Variants in FMNL3 observed in about 807,000 individuals in gnomAD.
FMNL3 encodes the protein formin-like protein 3.
FMNL3 carries 57 observed loss-of-function variants against 119.6 expected under a neutral mutation model. The ratio of observed to expected loss-of-function variants is 0.48; its 90% confidence interval spans 0.39 to 0.59. The LOEUF (loss-of-function observed/expected upper bound fraction) is 0.59, where lower values mean the gene tolerates loss of function less well. Among genes scored for constraint, FMNL3 ranks in the 20% least tolerant of loss-of-function variants. The pLI, the probability that FMNL3 is intolerant of heterozygous loss-of-function variation, is 0.00. For synonymous variants in FMNL3, 491 were observed against 507.3 expected, an observed-to-expected ratio of 0.97 and a Z score of 0.43; for missense variants, 1,053 against 1,323.5, an observed-to-expected ratio of 0.80 and a Z score of 3.17.
At position 49,645,534 on chromosome 12, in the gene FMNL3, T is replaced by A. The variant is rs549538852; in HGVS notation, c.*281A>T. ...AGAGATCTATGTGCCCTGTTTAGGC[T>A]AAGGCTGGAAATGGTTTTTCCTAGC... is the stretch of plus-strand genomic sequence containing the variant. On this transcript the variant is annotated 3_prime_UTR_variant, in exon 26 of 26. Transcript: ENST00000335154. The A allele has an allele frequency of 5.5e-4, 240 of 432,878 alleles. No individual in the cohort carries two copies. Among genetic ancestry groups the A allele is most frequent in the Non-Finnish European group, 7.6e-4 (187 of 244,456 alleles). The allele number at this position is 432,878 out of a possible 1,614,324, so 26.8% of individuals were successfully genotyped here.
intron 1 of FMNL3, among the ~76,000 whole-genome samples, chr12:49,695,564 T>C (rs764039840): frequency 6.6e-6 from 1 of 152,162 alleles, no homozygotes; most frequent in African/African-American, 2.4e-5. Context: ...TTAAATGAGA[T>C]AAAACATGTC....
rs374615782 is a variant in FMNL3 at position 49,642,298 on chromosome 12, C to T, written c.*3517G>A. 1.1e-5 allele frequency: 18 copies of T among 1,614,076 alleles called. No individual in the cohort carries two copies. The Admixed American group carries it at 2.0e-4, about 18-fold the overall frequency. On this transcript the variant is annotated 3_prime_UTR_variant, in exon 26 of 26. Coordinates refer to ENST00000335154, the MANE Select transcript of FMNL3 (RefSeq NM_175736.5). The surrounding 1 kb of genome is among the most constrained non-coding windows in gnomAD (Gnocchi z 5.8). ...GAAGGAGGAGGCACGCAGGATGCGG[C>T]GCAGGGAAGCTGCCTTTCGAAGCAT...
At chr12:49,697,912 AC>A in intron 1 of FMNL3, among the ~76,000 whole-genome samples, 1 of 152,258 alleles carries the variant, frequency 6.6e-6, no homozygotes, top group East Asian at 1.9e-4. Context: ...TGATTCCAAA[AC>A]CAATGGTCTA....
In FMNL3 at chr12:49,645,914, A is replaced by T; in HGVS notation, c.2996-11T>A. On this transcript the variant is annotated splice_polypyrimidine_tract_variant and intron_variant, in intron 25 of 25. Transcript: ENST00000335154. ...GCTGGCAGTGGAGGCCTGTGGGGGA[A>T]GAGAGAGACCTGTGAACAGGATGGG... The T allele has an allele frequency of 1.2e-6, 2 of 1,610,240 alleles. No individual in the cohort carries two copies. The highest frequency in any genetic ancestry group is 4.5e-5 in the East Asian group (2 of 44,624).
In FMNL3 at chr12:49,647,455, A is replaced by G; in HGVS notation, c.2779-87T>C. The G allele has an allele frequency of 7.0e-7, 1 of 1,433,640 alleles. No homozygotes were observed. The highest frequency in any genetic ancestry group is 9.7e-7 in the Non-Finnish European group (1 of 1,027,954). The allele number at this position is 1,433,640 out of a possible 1,614,324, so 88.8% of individuals were successfully genotyped here. ...GACACTGAGGTGGAGAGTGGGTGGC[A>G]GTGGGACCCGCTAACTCCAGGTGGC... is the stretch of plus-strand genomic sequence containing the variant. On this transcript the variant is annotated intron_variant, in intron 23 of 25. Transcript: ENST00000335154. This position sits in a 1 kb window ranked among gnomAD's most constrained non-coding sequence, Gnocchi z 4.9.
intron 1 of FMNL3, among the ~76,000 whole-genome samples, chr12:49,678,922 A>G (rs867498860): frequency 6.6e-6 from 1 of 152,226 alleles, no homozygotes; most frequent in Non-Finnish European, 1.5e-5. Context: ...CTACAAAGGC[A>G]TGAAAGTATG....
intron 1 of FMNL3, among the ~76,000 whole-genome samples, chr12:49,672,855 A>C (rs1267598861): frequency 6.6e-6 from 1 of 152,178 alleles, no homozygotes; most frequent in Non-Finnish European, 1.5e-5. Context: ...AAAAAACAGA[A>C]ATAGGAACCA....
At chr12:49,674,066 T>C (rs1017827385) in intron 1 of FMNL3, among the ~76,000 whole-genome samples, 4 of 152,152 alleles carry the variant, frequency 2.6e-5, no homozygotes, top group African/African-American at 7.2e-5. Flanking sequence ...TGGTCAGATC[T>C]CACTGCAGCT....
At position 49,643,195 on chromosome 12, in the gene FMNL3, AC is replaced by A; in HGVS notation, c.*2619del. The A allele has an allele frequency of 6.2e-7, 1 of 1,613,040 alleles. No individual in the cohort carries two copies. The highest frequency in any genetic ancestry group is 8.5e-7 in the Non-Finnish European group (1 of 1,179,512). On this transcript the variant is annotated 3_prime_UTR_variant, in exon 26 of 26. Transcript: ENST00000335154. ...CTTCTGGAGGGCAGAGAACCTCTGC[AC>A]TGACATGTATCTGCTGATCTGCCCA...
Position 49,670,132 on chromosome 12 carries a change from T to C in FMNL3, c.127-1578A>G, listed in dbSNP as rs187764906. On this transcript the variant is annotated intron_variant, in intron 1 of 25. Transcript: ENST00000335154. ...GGTAACCCAAGCATGACCACTTCAT[T>C]TACCTCTGCCCAATTCTTGGCATCC... Among the ~76,000 whole-genome samples, 4 of 152,308 alleles carry C rather than the reference T, an allele frequency of 2.6e-5. No homozygotes were observed. The East Asian group carries it at 7.7e-4, about 29-fold the overall frequency.
At position 49,642,797 on chromosome 12, in the gene FMNL3, G is replaced by A; in HGVS notation, c.*3018C>T. On this transcript the variant is annotated 3_prime_UTR_variant, in exon 26 of 26. Transcript: ENST00000335154. The surrounding 1 kb of genome is among the most constrained non-coding windows in gnomAD (Gnocchi z 5.8). Reference sequence around the variant, plus strand: ...ACTCCTGGCCAGCTAAGGAAGGGGAGGCCTGAGGATCCCTGGGATAGGCAG... The same window carrying A: ...ACTCCTGGCCAGCTAAGGAAGGGGAAGCCTGAGGATCCCTGGGATAGGCAG... 1 of 1,422,916 alleles carries A rather than the reference G, an allele frequency of 7.0e-7. No homozygotes were observed. The highest frequency in any genetic ancestry group is 9.7e-7 in the Non-Finnish European group (1 of 1,032,584). 88.1% of individuals were successfully genotyped at this position (1,422,916 alleles called of 1,614,324 possible).
intron 13 of FMNL3, 102 bp from the exon 14 acceptor site, chr12:49,652,314 T>C: frequency 6.8e-7 from 1 of 1,472,408 alleles, no homozygotes; most frequent in South Asian, 1.4e-5. Flanking sequence ...CGAGGGTCTC[T>C]GTCAGGGTAC....
intron 1 of FMNL3, among the ~76,000 whole-genome samples, chr12:49,675,531 C>T (rs1944163228): frequency 6.6e-6 from 1 of 152,164 alleles, no homozygotes; most frequent in South Asian, 2.1e-4. Flanking sequence ...TTTCTGGGGT[C>T]ACAACTCCCT....
rs1220601893 is a variant in FMNL3, at chr12:49,638,387, T to G, written c.*7428A>C. 1 of 152,412 alleles carries G rather than the reference T, an allele frequency of 6.6e-6. No homozygotes were observed. Among genetic ancestry groups the G allele is most frequent in the Non-Finnish European group, 1.5e-5 (1 of 68,196 alleles). The allele number at this position is 152,412 out of a possible 1,614,324, so 9.4% of individuals were successfully genotyped here. ...GTACTGAGCTGGATTTGCAAGGCAT[T>G]CTGCAGACTCAAGCTGAGATGCCAC... is the stretch of plus-strand genomic sequence containing the variant. On this transcript the variant is annotated 3_prime_UTR_variant, in exon 26 of 26. Coordinates refer to ENST00000335154, the MANE Select transcript of FMNL3 (RefSeq NM_175736.5).
At chr12:49,670,744 C>G (rs1021995797) in intron 1 of FMNL3, among the ~76,000 whole-genome samples, 2 of 152,204 alleles carry the variant, frequency 1.3e-5, no homozygotes, top group African/African-American at 2.4e-5. Context: ...TGGTCAAACA[C>G]AAGCCTGGAA....
In FMNL3 at chr12:49,668,345, A is replaced by G. The variant is rs1943947690; in HGVS notation, c.210+126T>C. 4.1e-5 allele frequency: 34 copies of G among 822,340 alleles called. No homozygotes were observed. In the South Asian group the frequency reaches 5.3e-4, roughly 13 times the overall value. 50.9% of individuals were successfully genotyped at this position (822,340 alleles called of 1,614,324 possible). The stretch of plus-strand genomic sequence containing the variant: ...CTCTTGGAAAAGAAAGTGAACACAG[A>G]TGAGGCCAAGCTTAGGCCAGGGTTC... On this transcript the variant is annotated intron_variant, in intron 2 of 25. Coordinates refer to ENST00000335154, the MANE Select transcript of FMNL3 (RefSeq NM_175736.5).
intron 1 of FMNL3, among the ~76,000 whole-genome samples, chr12:49,668,989 A>T (rs1231429333): frequency 6.6e-6 from 1 of 152,236 alleles, no homozygotes; most frequent in Non-Finnish European, 1.5e-5. Context: ...AGGTTAAAGC[A>T]GCAATTTTTT....
Position 49,642,131 on chromosome 12 carries a change from G to A in FMNL3, c.*3684C>T. 1 of 1,603,950 alleles carries A rather than the reference G, an allele frequency of 6.2e-7. No homozygotes were observed. Among genetic ancestry groups the A allele is most frequent in the African/African-American group, 1.3e-5 (1 of 74,840 alleles). Reference sequence around the variant, plus strand: ...CTATATTCCCAATTCAGGGGATGGTGGTAGAAGCCCAGACCCTAACTTTCC... The same window carrying A: ...CTATATTCCCAATTCAGGGGATGGTAGTAGAAGCCCAGACCCTAACTTTCC... On this transcript the variant is annotated 3_prime_UTR_variant, in exon 26 of 26. Transcript: ENST00000335154. The surrounding 1 kb of genome is among the most constrained non-coding windows in gnomAD (Gnocchi z 5.8).
At chr12:49,660,869 G>A (rs1943713416) in intron 5 of FMNL3, among the ~76,000 whole-genome samples, 1 of 152,240 alleles carries the variant, frequency 6.6e-6, no homozygotes, top group South Asian at 2.1e-4. Context: ...GGCTGAGGCA[G>A]GACTGAGGCA....
Sources: allele counts gnomAD v4.1 joint callset (sites outside exome capture counted in the v4.1 genomes callset), GRCh38; gene constraint gnomAD v4.1.1; non-coding constraint Gnocchi (gnomAD v3.1); transcripts MANE v1.5; gene names NCBI Gene and HGNC (gene_info 2026-07-23, HGNC 2026-07-21).